Variants in NECAB1 observed in about 807,000 individuals in gnomAD.
NECAB1 encodes the protein N-terminal EF-hand calcium-binding protein 1.
In NECAB1, 29 loss-of-function variants were observed where a neutral mutation model predicts 57.5. That is an observed-to-expected ratio of 0.50 (90% CI 0.38 to 0.69). The LOEUF is 0.69. Among genes scored for constraint, NECAB1 ranks in the 30% least tolerant of loss-of-function variants. The probability of loss-of-function intolerance (pLI) is 0.00; values close to 1 mark genes in which losing one functional copy is unlikely to be tolerated. For synonymous variants in NECAB1, 142 were observed against 147.7 expected (o/e 0.96, Z 0.28); for missense variants, 372 against 413.8 (o/e 0.90, Z 0.88).
At chr8:90,801,305 ATAGAT>A (rs1378697265) in intron 1 of NECAB1, among the ~76,000 whole-genome samples, 1 of 152,098 alleles carries the variant, frequency 6.6e-6, no homozygotes, top group Non-Finnish European at 1.5e-5. Context: ...TTCTGTCCCT[ATAGAT>A]TAGTTTGCAT....
At chr8:90,842,795 T>C (rs1409767547) in intron 3 of NECAB1, among the ~76,000 whole-genome samples, 1 of 152,242 alleles carries the variant, frequency 6.6e-6, no homozygotes, top group South Asian at 2.1e-4. Context: ...TTATGGTGTG[T>C]GCCTTGAGTT....
intron 5 of NECAB1, among the ~76,000 whole-genome samples, chr8:90,901,055 C>T (rs1436117436): frequency 6.6e-6 from 1 of 151,916 alleles, no homozygotes; most frequent in East Asian, 1.9e-4. Flanking sequence ...TTTTAGTGCT[C>T]TAATATAAAA....
At chr8:90,814,385 C>T (rs1280660108) in intron 2 of NECAB1, among the ~76,000 whole-genome samples, 1 of 152,128 alleles carries the variant, frequency 6.6e-6, no homozygotes, top group East Asian at 1.9e-4. Context: ...ACTCTTTCAC[C>T]TCTTTTCATA....
chr8:90,938,999 A>G (rs1289868518), intron 9 of NECAB1, among the ~76,000 whole-genome samples: 3 of 152,096 alleles, frequency 2.0e-5, no homozygotes, highest in Admixed American at 6.6e-5. Context: ...AGTGTGCTCT[A>G]TGTGGTTTTT....
At chr8:90,889,721 T>C (rs1407769943) in intron 5 of NECAB1, among the ~76,000 whole-genome samples, 1 of 152,212 alleles carries the variant, frequency 6.6e-6, no homozygotes, top group Non-Finnish European at 1.5e-5. Flanking sequence ...TATGATATAG[T>C]AGCTGGCTTT....
intron 4 of NECAB1, among the ~76,000 whole-genome samples, chr8:90,875,411 G>T (rs1028283247): frequency 1.4e-5 from 2 of 144,470 alleles, no homozygotes; most frequent in Non-Finnish European, 3.0e-5. Flanking sequence ...AACCCGGGAA[G>T]CGGAGCTTGC....
chr8:90,926,515 G>A (rs1810274610), intron 7 of NECAB1, among the ~76,000 whole-genome samples: 1 of 152,142 alleles, frequency 6.6e-6, no homozygotes, highest in Non-Finnish European at 1.5e-5. Flanking sequence ...CATTTTTATT[G>A]TGAAGCGACC....
At chr8:90,879,193 CTTTTTT>C (rs769144549) in intron 4 of NECAB1, among the ~76,000 whole-genome samples, 1 of 124,116 alleles carries the variant, frequency 8.1e-6, no homozygotes, top group African/African-American at 3.0e-5. Flanking sequence ...TTTTCACTTT[CTTTTTT>C]TTTTTTTTTA....
At chr8:90,865,191 T>A (rs1250456116) in intron 3 of NECAB1, among the ~76,000 whole-genome samples, 2 of 152,040 alleles carry the variant, frequency 1.3e-5, no homozygotes, top group African/African-American at 4.8e-5. Context: ...AGGGAAGAAG[T>A]GCTCATCCCC....
At chr8:90,885,952 T>C (rs1808973667) in intron 5 of NECAB1, among the ~76,000 whole-genome samples, 1 of 152,154 alleles carries the variant, frequency 6.6e-6, no homozygotes, top group Admixed American at 6.5e-5. Flanking sequence ...GAAGAAAATA[T>C]GAAAGAAATT....
chr8:90,913,377 C>T (rs893231516), intron 5 of NECAB1, among the ~76,000 whole-genome samples: 1 of 151,562 alleles, frequency 6.6e-6, no homozygotes, highest in South Asian at 2.1e-4. Context: ...ATTATCATGA[C>T]ACGAATGAAC....
chr8:90,895,160 A>G (rs1172696273), intron 5 of NECAB1, among the ~76,000 whole-genome samples: 1 of 152,252 alleles, frequency 6.6e-6, no homozygotes, highest in Non-Finnish European at 1.5e-5. Flanking sequence ...ATAAAAATAT[A>G]AAGGAACAAC....
chr8:90,877,430 A>G (rs1474747353), intron 4 of NECAB1, among the ~76,000 whole-genome samples: 1 of 152,120 alleles, frequency 6.6e-6, no homozygotes, highest in Non-Finnish European at 1.5e-5. Flanking sequence ...CTGCATCATA[A>G]TCTCCTAGGG....
At chr8:90,879,909 G>T (rs1317124839) in intron 4 of NECAB1, among the ~76,000 whole-genome samples, 1 of 152,092 alleles carries the variant, frequency 6.6e-6, no homozygotes, top group Admixed American at 6.6e-5. Flanking sequence ...TCAAAAATAT[G>T]TTATTTGTTT....
intron 3 of NECAB1, among the ~76,000 whole-genome samples, chr8:90,868,085 C>T (rs1475016605): frequency 1.3e-5 from 1 of 76,206 alleles, no homozygotes; most frequent in Non-Finnish European, 2.6e-5. Flanking sequence ...CACTCTCTCT[C>T]TTTCTCCTGC....
rs59244524 is a variant in NECAB1, at chr8:90,955,112, TTATATATATATATA to T, written c.1031-351_1031-338del. ...ATTTCATAAATATTGGGTATATAAATTATATATATATATATATATATATATATATATATATATGG... is the reference window on the plus strand; with the variant it reads ...ATTTCATAAATATTGGGTATATAAATTATATATATATATATATATATATGG... On this transcript the variant is annotated intron_variant, in intron 12 of 12. Coordinates refer to ENST00000417640, the MANE Select transcript of NECAB1 (RefSeq NM_022351.5). Among the ~76,000 whole-genome samples, 49 of 70,808 alleles carry T rather than the reference TTATATATATATATA, an allele frequency of 6.9e-4. 1 individual carries two copies. The highest frequency in any genetic ancestry group is 1.3e-3 in the Admixed American group (7 of 5,272). 46.5% of individuals were successfully genotyped at this position (70,808 alleles called of 152,430 possible). A position where few individuals can be genotyped will look rare whatever the true frequency, so the allele number is the denominator to read the frequency against.
chr8:90,895,118 GA>G (rs1256713135), intron 5 of NECAB1, among the ~76,000 whole-genome samples: 1 of 152,072 alleles, frequency 6.6e-6, no homozygotes, highest in Non-Finnish European at 1.5e-5. Context: ...TGTCTGTTAA[GA>G]AAATTATCAA....
intron 4 of NECAB1, among the ~76,000 whole-genome samples, chr8:90,879,425 A>G (rs2129872439): frequency 6.6e-6 from 1 of 151,944 alleles, no homozygotes; most frequent in South Asian, 2.1e-4. Flanking sequence ...CTGAGATTAT[A>G]CGCACGAGCC....
intron 1 of NECAB1, 84 bp downstream of exon 1, chr8:90,792,069 AC>A: frequency 1.9e-6 from 2 of 1,064,100 alleles, no homozygotes; most frequent in Non-Finnish European, 2.8e-6. Context: ...TCAGGTGCTG[AC>A]CAGCCAATGC....
Sources: gnomAD v4.1 joint callset for allele counts (sites outside exome capture counted in the v4.1 genomes callset) on GRCh38, gnomAD v4.1.1 for gene constraint, MANE v1.5 for transcripts, NCBI Gene and HGNC (gene_info 2026-07-23, HGNC 2026-07-21) for gene names.